C5orf15: variants seen among roughly 807,000 people sequenced by gnomAD.
C5orf15 encodes keratinocyte-associated transmembrane protein 2.
A neutral mutation model predicts 17.8 loss-of-function variants in C5orf15; 10 were observed. The ratio of observed to expected loss-of-function variants is 0.56; its 90% CI spans 0.35 to 0.95. The LOEUF is 0.95. Among genes scored for constraint, C5orf15 ranks in the 40% least tolerant of loss-of-function variants. C5orf15 has a pLI of 0.02. For synonymous variants in C5orf15, 124 were observed against 131.0 expected (o/e 0.95, Z 0.36); for missense variants, 319 against 331.7 (o/e 0.96, Z 0.30).
Position 133,955,822 on chromosome 5 carries a change from T to G in C5orf15, c.*1037A>C, listed in dbSNP as rs997875400. 3.9e-5 allele frequency: 6 copies of G among 152,330 alleles called. No homozygotes were observed. Among genetic ancestry groups the G allele is most frequent in the Non-Finnish European group, 7.3e-5 (5 of 68,046 alleles). 9.4% of individuals were successfully genotyped at this position (152,330 alleles called of 1,614,324 possible). ...AATCACATATTTACATATTGATCAA[T>G]TCTTTATGATAGAAAGACAGACATA... is the stretch of plus-strand genomic sequence containing the variant. On this transcript the variant is annotated 3_prime_UTR_variant, in exon 3 of 3. Transcript: ENST00000231512.
intron 1 of C5orf15, among the ~76,000 whole-genome samples, chr5:133,963,867 C>T (rs1752155613): frequency 6.6e-6 from 1 of 152,150 alleles, no homozygotes; most frequent in Admixed American, 6.5e-5. Flanking sequence ...ATCAGGCATC[C>T]TTCAACAGAT....
intron 1 of C5orf15, among the ~76,000 whole-genome samples, chr5:133,966,782 C>T (rs756749822): frequency 7.2e-5 from 11 of 152,184 alleles, no homozygotes; most frequent in Admixed American, 2.0e-4. Context: ...TGGAGCTGCT[C>T]GCCTATTAAA....
At chr5:133,964,892 CT>C (rs1302222568) in intron 1 of C5orf15, among the ~76,000 whole-genome samples, 1 of 152,210 alleles carries the variant, frequency 6.6e-6, no homozygotes, top group Non-Finnish European at 1.5e-5. Context: ...CCTAATTAAT[CT>C]GCCTGCTTCC....
Position 133,968,461 on chromosome 5 carries a change from C to G in C5orf15, c.124G>C (p.Ala42Pro). ...PLVLALLLVSAALSSVVSRTD... is the reference protein window; with the variant it reads ...PLVLALLLVSPALSSVVSRTD... ...CCCCCTTTACCACTGGATAGAGCGGCGGACACAAGCAGGAGCGCCAAGACC... is the reference window on the plus strand; with the variant it reads ...CCCCCTTTACCACTGGATAGAGCGGGGGACACAAGCAGGAGCGCCAAGACC... Residue 42 changes from alanine to proline, a missense_variant, in exon 1 of 3, where the codon GCC (alanine) becomes CCC (proline). Ala to Pro is a conservative substitution (Grantham distance 27). Around this residue, in one of 3 missense-constraint regions of C5orf15, gnomAD observed 127 missense variants for 95.6 expected, o/e 1.33. Transcript: ENST00000231512. 6.2e-7 allele frequency: 1 copy of G among 1,604,342 alleles called. No individual in the cohort carries two copies. Among genetic ancestry groups the G allele is most frequent in the South Asian group, 1.1e-5 (1 of 89,378 alleles).
At chr5:133,958,835 T>C (rs1326891424) in intron 2 of C5orf15, among the ~76,000 whole-genome samples, 1 of 152,050 alleles carries the variant, frequency 6.6e-6, no homozygotes, top group Non-Finnish European at 1.5e-5. Context: ...AGACAAATAT[T>C]AAATTAACAT....
intron 1 of C5orf15, chr5:133,967,427 A>G (rs1275388197): frequency 2.0e-5 from 3 of 152,242 alleles, no homozygotes; most frequent in Admixed American, 6.5e-5. Context: ...TGAAAATTCA[A>G]ATTTAGGGAG....
Position 133,968,522 on chromosome 5 carries a change from C to G in C5orf15, c.63G>C (p.Ser21=). Residue 21 remains serine (S), a synonymous_variant, in exon 1 of 3, where the codon TCG becomes TCC. Coordinates refer to ENST00000231512, the MANE Select transcript of C5orf15 (RefSeq NM_020199.3). ...CCAACCCCACAAGGGCTTGGATGGC[C>G]GACCCGGGCAGCAGTTTCGCTTGTG... The part of the protein sequence containing the change: ...GPAQAKLLPG[S]AIQALVGLAR... 6.2e-7 allele frequency: 1 copy of G among 1,607,960 alleles called. No homozygotes were observed. The highest frequency in any genetic ancestry group is 2.2e-5 in the East Asian group (1 of 44,710).
At chr5:133,966,531 A>G (rs956892907) in intron 1 of C5orf15, among the ~76,000 whole-genome samples, 1 of 152,234 alleles carries the variant, frequency 6.6e-6, no homozygotes, top group Admixed American at 6.5e-5. Context: ...CAAAACAAAA[A>G]CATAAAACAA....
chr5:133,962,002 G>A (rs1752131177), intron 1 of C5orf15, among the ~76,000 whole-genome samples: 1 of 152,058 alleles, frequency 6.6e-6, no homozygotes, highest in Admixed American at 6.6e-5. Context: ...AGGAATTTCT[G>A]AAAATAATTT....
At chr5:133,966,759 C>T (rs948423052) in intron 1 of C5orf15, among the ~76,000 whole-genome samples, 3 of 152,220 alleles carry the variant, frequency 2.0e-5, no homozygotes, top group Non-Finnish European at 4.4e-5. Context: ...TCCCAAGCTA[C>T]ACTGTAGTGC....
intron 1 of C5orf15, among the ~76,000 whole-genome samples, chr5:133,960,574 TC>T (rs1752109550): frequency 6.6e-6 from 1 of 151,812 alleles, no homozygotes; most frequent in Non-Finnish European, 1.5e-5. Context: ...GGACTCCCTC[TC>T]CTAAATTCAA....
chr5:133,968,533 G>T lies in C5orf15; in HGVS notation c.52C>A (p.Leu18Met). 6.2e-6 allele frequency: 10 copies of T among 1,609,316 alleles called. No homozygotes were observed. The highest frequency in any genetic ancestry group is 8.5e-6 in the Non-Finnish European group (10 of 1,178,394). ...AGGGCTTGGATGGCCGACCCGGGCA[G>T]CAGTTTCGCTTGTGCTGGCCCCCTC... ...RMRGPAQAKL[L>M]PGSAIQALVG... is the part of the protein sequence containing the mutation. Residue 18 changes from leucine to methionine, a missense_variant, in exon 1 of 3, where the codon CTG (leucine) becomes ATG (methionine). Coordinates refer to ENST00000231512, the MANE Select transcript of C5orf15 (RefSeq NM_020199.3).
At chr5:133,958,286 C>T (rs2126876110) in intron 2 of C5orf15, among the ~76,000 whole-genome samples, 1 of 151,828 alleles carries the variant, frequency 6.6e-6, no homozygotes, top group Middle Eastern at 3.4e-3. Context: ...ACATAAAACT[C>T]TATGAGATAG....
chr5:133,956,825 T>A lies in C5orf15; in HGVS notation c.*34A>T. ...AATATCATATAAAAAGTCAAGCAAA[T>A]AAAATTACATAAGCAAATTCAAATC... is the stretch of plus-strand genomic sequence containing the variant. On this transcript the variant is annotated 3_prime_UTR_variant, in exon 3 of 3. Transcript: ENST00000231512. 6.4e-7 allele frequency: 1 copy of A among 1,562,448 alleles called. No individual in the cohort carries two copies. Among genetic ancestry groups the A allele is most frequent in the East Asian group, 2.3e-5 (1 of 43,228 alleles).
At chr5:133,966,911 T>TTATA (rs1561575986) in intron 1 of C5orf15, among the ~76,000 whole-genome samples, 1 of 152,200 alleles carries the variant, frequency 6.6e-6, no homozygotes, top group Non-Finnish European at 1.5e-5. Context: ...CTAAAATGTC[T>TTATA]CAGTATAGTT....
At chr5:133,964,218 A>C (rs1752164250) in intron 1 of C5orf15, among the ~76,000 whole-genome samples, 1 of 152,244 alleles carries the variant, frequency 6.6e-6, no homozygotes, top group African/African-American at 2.4e-5. Context: ...TCTCGAAAAA[A>C]TAAAAGTTAA....
rs748636176 is a variant in C5orf15, at chr5:133,959,614, C to T, written c.546G>A (p.Val182=). ...TTGAGGATGGCATCTTAAAAGATTTCACTGACTGTTCAATTTCCATGTAAC... is the reference window on the plus strand; with the variant it reads ...TTGAGGATGGCATCTTAAAAGATTTTACTGACTGTTCAATTTCCATGTAAC... ...NRGYMEIEQS[V]KSFKMPSSNI... Residue 182 remains valine (V), a synonymous_variant, in exon 2 of 3, where the codon GTG becomes GTA. Transcript: ENST00000231512. The T allele has an allele frequency of 1.6e-5, 26 of 1,613,034 alleles. No homozygotes were observed. Among genetic ancestry groups the T allele is most frequent in the East Asian group, 2.2e-5 (1 of 44,884 alleles).
At chr5:133,959,033 C>T (rs1312244026) in intron 2 of C5orf15, among the ~76,000 whole-genome samples, 1 of 151,890 alleles carries the variant, frequency 6.6e-6, no homozygotes. Context: ...GCTGATTAGA[C>T]ATCTCAATAT....
At chr5:133,967,924 T>A (rs931658097) in intron 1 of C5orf15, among the ~76,000 whole-genome samples, 2 of 152,126 alleles carry the variant, frequency 1.3e-5, no homozygotes, top group African/African-American at 4.8e-5. Context: ...CCTCGGTCTT[T>A]ACCACTGACC....
Sources: allele counts gnomAD v4.1 joint callset (sites outside exome capture counted in the v4.1 genomes callset), GRCh38; gene constraint gnomAD v4.1.1; regional missense constraint gnomAD v4.1.1; transcripts MANE v1.5; gene names NCBI Gene and HGNC (gene_info 2026-07-23, HGNC 2026-07-21).